Variants in ZNF506 observed in about 807,000 individuals in gnomAD.
The protein encoded by ZNF506 is zinc finger protein 506.
ZNF506 carries 10 observed loss-of-function variants against 11.6 expected under a neutral mutation model. That is an observed-to-expected ratio of 0.86 (90% CI 0.53 to 1.46). The LOEUF (loss-of-function observed/expected upper bound fraction) is 1.46. ZNF506 is among the 40% of genes most tolerant of loss of function. ZNF506 has a pLI of 0.00. For synonymous variants in ZNF506, 156 were observed against 173.3 expected (o/e 0.90, Z 0.78); for missense variants, 425 against 521.2 (o/e 0.82, Z 1.80).
chr19:19,810,248 C>A (rs1349415210), intron 1 of ZNF506, among the ~76,000 whole-genome samples: 2 of 152,118 alleles, frequency 1.3e-5, no homozygotes, highest in African/African-American at 2.4e-5. Flanking sequence ...CTTGTCACAA[C>A]CAAATACTTC....
chr19:19,801,497 A>G (rs1018902393), intron 3 of ZNF506, among the ~76,000 whole-genome samples: 79 of 151,424 alleles, frequency 5.2e-4, no homozygotes, highest in Non-Finnish European at 8.6e-4. Flanking sequence ...TCCATCTCAA[A>G]AAAAAAAAAA....
At position 19,806,127 on chromosome 19, in the gene ZNF506, C is replaced by A. The variant is rs765988320; in HGVS notation, c.131-1G>T. ...AGGTTTGGTTTAGAGACAACAATAC[C>A]TGTTTTATTAAGAATAAATAATATG... On this transcript the variant is annotated splice_acceptor_variant, in intron 2 of 3. Transcript: ENST00000540806. LOFTEE classifies it high-confidence loss of function. 23 of 1,596,284 alleles carry A rather than the reference C, an allele frequency of 1.4e-5. No individual in the cohort carries two copies. Among genetic ancestry groups the A allele is most frequent in the Non-Finnish European group, 1.9e-5 (22 of 1,171,750 alleles).
Position 19,793,516 on chromosome 19 carries a change from C to T in ZNF506, c.*1036G>A, listed in dbSNP as rs1258307413. ...GTTTTCCTCTAGTACACAATGTGTGCAACAAGATCTGTGATACAAGTAAAG... is the reference window on the plus strand; with the variant it reads ...GTTTTCCTCTAGTACACAATGTGTGTAACAAGATCTGTGATACAAGTAAAG... On this transcript the variant is annotated 3_prime_UTR_variant, in exon 4 of 4. Coordinates refer to ENST00000540806, the MANE Select transcript of ZNF506 (RefSeq NM_001099269.3). Among the ~76,000 whole-genome samples, 2 of 152,102 alleles carry T rather than the reference C, an allele frequency of 1.3e-5. No homozygotes were observed. The highest frequency in any genetic ancestry group is 6.5e-5 in the Admixed American group (1 of 15,272).
At chr19:19,814,983 C>T (rs1291511386) in intron 1 of ZNF506, among the ~76,000 whole-genome samples, 1 of 152,074 alleles carries the variant, frequency 6.6e-6, no homozygotes, top group Non-Finnish European at 1.5e-5. Flanking sequence ...GTGGGCCGGG[C>T]GCTGTGGCTC....
At chr19:19,818,950 T>C (rs1439411745) in intron 1 of ZNF506, among the ~76,000 whole-genome samples, 1 of 152,184 alleles carries the variant, frequency 6.6e-6, no homozygotes, top group Non-Finnish European at 1.5e-5. Context: ...ATCGAGCCAC[T>C]GCATTCCAGC....
chr19:19,807,035 A>C lies in ZNF506; in HGVS notation c.37T>G (p.Phe13Val), dbSNP rs2145190704. Reference protein sequence around the residue: ...PLQFRDVAIEFSLEEWHCLDA... With the variant: ...PLQFRDVAIEVSLEEWHCLDA... ...AGGCAATGCCACTCCTCCAGAGAGA[A>C]TTCTATGGCCACATCTCTAAATTGC... is the stretch of plus-strand genomic sequence containing the variant. Residue 13 changes from phenylalanine to valine, a missense_variant, in exon 2 of 4, where the codon TTC becomes GTC. By Grantham distance (50) the Phe-to-Val change is conservative (BLOSUM62 -1). This residue lies in a region of ZNF506 where 226 missense variants were observed against 279.1 expected (regional missense o/e 0.81). Coordinates refer to ENST00000540806, the MANE Select transcript of ZNF506 (RefSeq NM_001099269.3). The C allele has an allele frequency of 6.2e-7, 1 of 1,614,068 alleles. No homozygotes were observed. The highest frequency in any genetic ancestry group is 2.2e-5 in the East Asian group (1 of 44,860).
chr19:19,802,634 A>T (rs2062804788), intron 3 of ZNF506, among the ~76,000 whole-genome samples: 1 of 152,250 alleles, frequency 6.6e-6, no homozygotes, highest in African/African-American at 2.4e-5. Context: ...ACTTGAATTT[A>T]CAAGTAACTA....
At chr19:19,809,230 A>T (rs1254691976) in intron 1 of ZNF506, among the ~76,000 whole-genome samples, 1 of 152,238 alleles carries the variant, frequency 6.6e-6, no homozygotes, top group Admixed American at 6.5e-5. Flanking sequence ...TGCATAGCAT[A>T]TAAGAAGCTA....
At position 19,793,299 on chromosome 19, in the gene ZNF506, C is replaced by T. The variant is rs573512638; in HGVS notation, c.*1253G>A. On this transcript the variant is annotated 3_prime_UTR_variant, in exon 4 of 4. Transcript: ENST00000540806. ...ATTCTAGTGTAAATTCTCATATTTACGTAAAATCAATTTTGAATTAAATAT... is the reference window on the plus strand; with the variant it reads ...ATTCTAGTGTAAATTCTCATATTTATGTAAAATCAATTTTGAATTAAATAT... Among the ~76,000 whole-genome samples, 15 of 151,860 alleles carry T rather than the reference C, an allele frequency of 9.9e-5. No individual in the cohort carries two copies. Among genetic ancestry groups the T allele is most frequent in the African/African-American group, 3.1e-4 (13 of 41,406 alleles).
At chr19:19,803,718 TA>T (rs2062813417) in intron 3 of ZNF506, among the ~76,000 whole-genome samples, 1 of 152,230 alleles carries the variant, frequency 6.6e-6, no homozygotes, top group African/African-American at 2.4e-5. Flanking sequence ...TTTTACTTTC[TA>T]AAATTAGTTT....
chr19:19,795,963 C>A (rs2062737026), intron 3 of ZNF506: 2 of 356,530 alleles, frequency 5.6e-6, no homozygotes, highest in Admixed American at 3.4e-5. Context: ...GCTCTTCCTG[C>A]TCTCCAGTAT....
At chr19:19,814,161 C>T (rs979995867) in intron 1 of ZNF506, among the ~76,000 whole-genome samples, 3 of 151,954 alleles carry the variant, frequency 2.0e-5, no homozygotes, top group Non-Finnish European at 2.9e-5. Context: ...GTAATCCCAG[C>T]ACTGTGGGAG....
intron 2 of ZNF506, 194 bp from the exon 3 acceptor site, chr19:19,806,320 G>A (rs1599518749): frequency 7.7e-6 from 2 of 260,384 alleles, no homozygotes; most frequent in Non-Finnish European, 1.4e-5. Flanking sequence ...GCAATGGCTC[G>A]ATCTTGGCTC....
intron 3 of ZNF506, among the ~76,000 whole-genome samples, chr19:19,800,554 C>T (rs1014574011): frequency 1.7e-4 from 25 of 151,398 alleles, no homozygotes; most frequent in African/African-American, 5.8e-4. Context: ...GTAGCTGGGA[C>T]TACAGGCATG....
At chr19:19,811,763 T>C (rs1170772968) in intron 1 of ZNF506, among the ~76,000 whole-genome samples, 4 of 152,048 alleles carry the variant, frequency 2.6e-5, no homozygotes, top group African/African-American at 7.2e-5. Flanking sequence ...GATTACACCA[T>C]TGCACTCCCT....
chr19:19,817,732 C>A (rs1379838041), intron 1 of ZNF506, among the ~76,000 whole-genome samples: 1 of 152,094 alleles, frequency 6.6e-6, no homozygotes, highest in Non-Finnish European at 1.5e-5. Flanking sequence ...GCTTTAATTT[C>A]CATGTCAGAG....
At chr19:19,796,203 C>A (rs1045108136) in intron 3 of ZNF506, 5 of 155,044 alleles carry the variant, frequency 3.2e-5, no homozygotes, top group African/African-American at 1.2e-4. Context: ...ATTGCTTGAA[C>A]TGTGGAGGCA....
chr19:19,794,718 A>G lies in ZNF506; in HGVS notation c.1169T>C (p.Ile390Thr). The change falls in exon 4 of 4, where the codon ATT (isoleucine) becomes ACT (threonine). Residue 390 changes from isoleucine to threonine, a missense_variant. This residue lies in a region of ZNF506 where 192 missense variants were observed against 215.7 expected (regional missense o/e 0.89). Coordinates refer to ENST00000540806, the MANE Select transcript of ZNF506 (RefSeq NM_001099269.3). Reference sequence around the variant, plus strand: ...TTTGTACGGTTTCTCTCCAGTATGAATTATCTTATGTTCAGTTAGAGTTGA... The same window carrying G: ...TTTGTACGGTTTCTCTCCAGTATGAGTTATCTTATGTTCAGTTAGAGTTGA... ...AFSTLTEHKI[I>T]HTGEKPYKCE... 7 of 1,613,820 alleles carry G rather than the reference A, an allele frequency of 4.3e-6. No homozygotes were observed. Among genetic ancestry groups the G allele is most frequent in the Non-Finnish European group, 5.9e-6 (7 of 1,179,964 alleles).
intron 1 of ZNF506, chr19:19,820,354 C>T (rs981798006): frequency 1.4e-4 from 21 of 152,150 alleles, no homozygotes; most frequent in African/African-American, 5.1e-4. Flanking sequence ...CAATTAAACT[C>T]TGATTACATA....
Sources: allele counts gnomAD v4.1 joint callset (sites outside exome capture counted in the v4.1 genomes callset), GRCh38; gene constraint gnomAD v4.1.1; regional missense constraint gnomAD v4.1.1; transcripts MANE v1.5; gene names NCBI Gene and HGNC (gene_info 2026-07-23, HGNC 2026-07-21).